The following UBA2 variants were observed in gnomAD, a reference collection of about 807,000 sequenced individuals.
UBA2 encodes ubiquitin like modifier activating enzyme 2.
UBA2 carries 11 observed loss-of-function variants against 77.2 expected under a neutral mutation model. The observed-to-expected ratio is 0.14, with a 90% CI of 0.09 to 0.24. The LOEUF (loss-of-function observed/expected upper bound fraction) is 0.24. Among genes scored for constraint, UBA2 ranks in the 10% least tolerant of loss-of-function variants. The probability of loss-of-function intolerance (pLI) is 1.00; values close to 1 mark genes in which losing one functional copy is unlikely to be tolerated. For synonymous variants in UBA2, 278 were observed against 276.7 expected, an observed-to-expected ratio of 1.00 and a Z score of -0.05; for missense variants, 487 against 781.7, an observed-to-expected ratio of 0.62 and a Z score of 4.50.
chr19:34,462,635 CAAAA>C (rs200589452), intron 14 of UBA2, among the ~76,000 whole-genome samples: 1 of 148,770 alleles, frequency 6.7e-6, no homozygotes, highest in African/African-American at 2.5e-5. Flanking sequence ...GTTAAAAAGC[CAAAA>C]AAAAAGTGGG....
rs183385609 is a variant in UBA2 at position 34,442,587 on chromosome 19, A to G, written c.582-1257A>G. 2.7e-3 allele frequency among the ~76,000 whole-genome samples: 405 copies of G among 152,200 alleles called. 1 individual carries two copies. The highest frequency in any genetic ancestry group is 5.6e-3 in the Admixed American group (85 of 15,272). On this transcript the variant is annotated intron_variant, in intron 6 of 16. Coordinates refer to ENST00000246548, the MANE Select transcript of UBA2 (RefSeq NM_005499.3). The stretch of plus-strand genomic sequence containing the variant: ...GCTGGGATTACAGGCGTCTGCCACC[A>G]CGCCCAGCTAATATTTGTATTTTAG...
chr19:34,454,380 C>A, intron 11 of UBA2, 27 bp downstream of exon 11: 1 of 1,585,592 alleles, frequency 6.3e-7, no homozygotes, highest in South Asian at 1.1e-5. Flanking sequence ...AAAGTTGTAT[C>A]ACTAAAACCT....
At chr19:34,461,781 GT>G (rs555540668) in intron 14 of UBA2, among the ~76,000 whole-genome samples, 208 of 152,258 alleles carry the variant, frequency 1.4e-3, no homozygotes, top group Non-Finnish European at 2.5e-3. Flanking sequence ...AAGGGAGATT[GT>G]CAACAGCTGG....
At chr19:34,467,241 G>T in intron 16 of UBA2, 1 of 464,260 alleles carries the variant, frequency 2.2e-6, no homozygotes, top group Non-Finnish European at 3.8e-6. Context: ...GCCAAGATGG[G>T]AGTATTACTT....
intron 12 of UBA2, among the ~76,000 whole-genome samples, chr19:34,454,830 T>G (rs973250911): frequency 6.6e-6 from 1 of 152,196 alleles, no homozygotes; most frequent in Non-Finnish European, 1.5e-5. Flanking sequence ...AAGAAGATGT[T>G]TCAACTGTTT....
At chr19:34,440,925 CAA>C (rs569153016) in intron 6 of UBA2, among the ~76,000 whole-genome samples, 8 of 64,416 alleles carry the variant, frequency 1.2e-4, no homozygotes, top group Admixed American at 5.0e-4. Flanking sequence ...GACTCCATCT[CAA>C]AAAAAAAAAA....
intron 2 of UBA2, among the ~76,000 whole-genome samples, chr19:34,431,345 T>A (rs1213776634): frequency 6.9e-6 from 1 of 144,062 alleles, no homozygotes; most frequent in African/African-American, 2.5e-5. Flanking sequence ...CTAGAACTCC[T>A]GGCCTCAAGG....
intron 12 of UBA2, among the ~76,000 whole-genome samples, chr19:34,456,038 A>C (rs1379932314): frequency 6.6e-6 from 1 of 150,622 alleles, no homozygotes; most frequent in Non-Finnish European, 1.5e-5. Flanking sequence ...TGGCCCCCCA[A>C]AGTGCTGGGA....
chr19:34,461,236 G>A (rs536294164), intron 14 of UBA2, among the ~76,000 whole-genome samples: 1 of 152,150 alleles, frequency 6.6e-6, no homozygotes, highest in East Asian at 1.9e-4. Context: ...AAGGTTTCTA[G>A]GCCCTGTGTT....
intron 8 of UBA2, among the ~76,000 whole-genome samples, chr19:34,445,996 T>C (rs1287121211): frequency 6.6e-6 from 1 of 152,110 alleles, no homozygotes; most frequent in Non-Finnish European, 1.5e-5. Flanking sequence ...CCCTAGCAAG[T>C]TGTACGTGTG....
intron 3 of UBA2, among the ~76,000 whole-genome samples, chr19:34,432,436 C>T (rs991496191): frequency 1.3e-5 from 2 of 151,990 alleles, no homozygotes; most frequent in Non-Finnish European, 2.9e-5. Context: ...AACTGTGGGC[C>T]GAAATTGTCC....
intron 8 of UBA2, among the ~76,000 whole-genome samples, chr19:34,447,371 C>G (rs997449664): frequency 1.3e-5 from 2 of 152,170 alleles, no homozygotes; most frequent in Non-Finnish European, 2.9e-5. Flanking sequence ...TACTTTGCAT[C>G]TTTCAATCCA....
chr19:34,448,694 C>T (rs2075458692), intron 8 of UBA2, among the ~76,000 whole-genome samples: 1 of 152,050 alleles, frequency 6.6e-6, no homozygotes, highest in African/African-American at 2.4e-5. Context: ...ATTTGAGATT[C>T]TTTTGGAACA....
chr19:34,452,207 G>C, intron 10 of UBA2, 60 bp downstream of exon 10: 6 of 1,305,612 alleles, frequency 4.6e-6, no homozygotes, highest in Non-Finnish European at 6.2e-6. Flanking sequence ...TAGTTCTTGA[G>C]ATGTAATAGA....
intron 9 of UBA2, 80 bp downstream of exon 9, chr19:34,450,444 T>A: frequency 1.1e-6 from 1 of 922,148 alleles, no homozygotes; most frequent in Non-Finnish European, 1.6e-6. Context: ...CTGTTGTTGC[T>A]TGAAAATGAT....
At chr19:34,432,973 CCCTGCCTGAT>C (rs1466677989) in intron 3 of UBA2, among the ~76,000 whole-genome samples, 1 of 152,186 alleles carries the variant, frequency 6.6e-6, no homozygotes, top group African/African-American at 2.4e-5. Context: ...GGGGCCTGAA[CCCTGCCTGAT>C]CCTGATCATG....
chr19:34,443,919 AAT>A lies in UBA2; in HGVS notation c.649+9_649+10del. On this transcript the variant is annotated intron_variant, in intron 7 of 16. Coordinates refer to ENST00000246548, the MANE Select transcript of UBA2 (RefSeq NM_005499.3). ...CTGACCCTGAAGCTGCCTGTGAGTA[AAT>A]TATTTGGCATATGTTTTATCAGATA... 6.3e-7 allele frequency: 1 copy of A among 1,589,144 alleles called. No individual in the cohort carries two copies. Among genetic ancestry groups the A allele is most frequent in the Non-Finnish European group, 8.6e-7 (1 of 1,157,800 alleles).
intron 8 of UBA2, among the ~76,000 whole-genome samples, chr19:34,448,319 G>T (rs2075453630): frequency 6.6e-6 from 1 of 152,110 alleles, no homozygotes; most frequent in African/African-American, 2.4e-5. Context: ...ACCTGGCTGG[G>T]CACTGTGGCT....
rs376143289 is a variant in UBA2 at position 34,469,101 on chromosome 19, C to T, written c.1803C>T (p.Ala601=). 42 of 1,612,754 alleles carry T rather than the reference C, an allele frequency of 2.6e-5. No homozygotes were observed. Among genetic ancestry groups the T allele is most frequent in the African/African-American group, 5.3e-5 (4 of 74,926 alleles). ...ATGAAGAAGATTCTTCAAATAATGC[C>T]GACGTCAGTGAAGAAGAGAGAAGCC... is the stretch of plus-strand genomic sequence containing the variant. ...DSDEEDSSNN[A]DVSEEERSRK... Residue 601 remains alanine, a synonymous_variant, in exon 17 of 17, where the codon GCC becomes GCT. Coordinates refer to ENST00000246548, the MANE Select transcript of UBA2 (RefSeq NM_005499.3).
Sources: allele counts gnomAD v4.1 joint callset (sites outside exome capture counted in the v4.1 genomes callset), GRCh38; gene constraint gnomAD v4.1.1; transcripts MANE v1.5; gene names NCBI Gene and HGNC (gene_info 2026-07-23, HGNC 2026-07-21).